Variants in ABR observed in about 807,000 individuals in gnomAD.
ABR encodes the protein active breakpoint cluster region-related protein.
ABR carries 35 observed loss-of-function variants against 107.2 expected under a neutral mutation model. That is an observed-to-expected ratio of 0.33 (90% CI 0.25 to 0.43). ABR has a LOEUF of 0.43. Among genes scored for constraint, ABR ranks in the 20% least tolerant of loss-of-function variants. The pLI is 1.00. For missense variants in ABR, 815 were observed against 1,115.2 expected (o/e 0.73, Z 3.83); for synonymous variants, 498 against 462.0 (o/e 1.08, Z -1.00).
chr17:1,020,793 T>C (rs1211332386), intron 16 of ABR, among the ~76,000 whole-genome samples: 1 of 152,166 alleles, frequency 6.6e-6, no homozygotes, highest in Non-Finnish European at 1.5e-5. Context: ...GGGATGCCCC[T>C]GAGGGTCTCA....
chr17:1,088,077 C>A (rs934677092), intron 4 of ABR, among the ~76,000 whole-genome samples: 21 of 152,028 alleles, frequency 1.4e-4, no homozygotes, highest in Non-Finnish European at 2.9e-5. Context: ...GATGCCAGAC[C>A]TGACCCGGCT....
chr17:1,223,775 A>C (rs9747738), intron 1 of ABR, among the ~76,000 whole-genome samples: 1 of 151,900 alleles, frequency 6.6e-6, no homozygotes, highest in Non-Finnish European at 1.5e-5. Context: ...GCAGGAGAGC[A>C]AGCAAGCCTG....
rs2042532168 is a variant in ABR at position 1,195,216 on chromosome 17, A to AAT, written c.838+33576_838+33577insAT. Among the ~76,000 whole-genome samples the AAT allele has an allele frequency of 2.1e-5, 3 of 145,274 alleles. No homozygotes were observed. The South Asian group carries it at 6.8e-4, about 33-fold the overall frequency. On this transcript the variant is annotated intron_variant, in intron 1 of 22. Transcript: ENST00000574139. ...CAGCTACTCGGGAGGCTGAGGCAGGAGAATGGCGTGAACCCGGAAGGCGGA... is the reference window on the plus strand; with the variant it reads ...CAGCTACTCGGGAGGCTGAGGCAGGAATGAATGGCGTGAACCCGGAAGGCGGA...
chr17:1,160,282 CCACACACACA>C (rs112524650), intron 1 of ABR, among the ~76,000 whole-genome samples: 2 of 148,694 alleles, frequency 1.3e-5, no homozygotes, highest in South Asian at 2.1e-4. Flanking sequence ...CAAAAAAAAA[CCACACACACA>C]CACACACACA....
rs1432214734 is a variant in ABR at position 1,150,269 on chromosome 17, C to T, written c.62-24902G>A. ...TTGCTAAAGATAACAGAGCACTTGG[C>T]CAAGCCAGCGCGATGTCTGCACTCA... On this transcript the variant is annotated intron_variant, in intron 1 of 22. Coordinates refer to ENST00000302538, the MANE Select transcript of ABR (RefSeq NM_021962.5). The surrounding 1 kb of genome is among the most constrained non-coding windows in gnomAD (Gnocchi z 4.8). Among the ~76,000 whole-genome samples the T allele has an allele frequency of 1.3e-5, 2 of 152,198 alleles. No individual in the cohort carries two copies. Among genetic ancestry groups the T allele is most frequent in the African/African-American group, 4.8e-5 (2 of 41,444 alleles).
intron 1 of ABR, among the ~76,000 whole-genome samples, chr17:1,159,602 A>AAGGGAAG (rs1567841578): frequency 6.0e-4 from 25 of 41,724 alleles, no homozygotes; most frequent in Admixed American, 1.1e-3. Context: ...ACTCACACAC[A>AAGGGAAG]TGAGAAGTAA....
At chr17:1,178,865 G>T (rs1242812372) in intron 1 of ABR, among the ~76,000 whole-genome samples, 1 of 151,882 alleles carries the variant, frequency 6.6e-6, no homozygotes, top group Non-Finnish European at 1.5e-5. Context: ...TGGTGGGGGC[G>T]GGGGGCGGCT....
chr17:1,222,205 C>T (rs67791813), intron 1 of ABR, among the ~76,000 whole-genome samples: 75,383 of 151,240 alleles, frequency 0.5, 19,377 homozygotes, highest in Middle Eastern at 0.56. Context: ...GCTGGGATTA[C>T]AGGTATGTGC....
chr17:1,025,024 G>A (rs1392009426), intron 16 of ABR, among the ~76,000 whole-genome samples: 1 of 146,886 alleles, frequency 6.8e-6, no homozygotes, highest in Non-Finnish European at 1.5e-5. Flanking sequence ...GGGAGGCTGA[G>A]GCAGGAGAAT....
intron 1 of ABR, among the ~76,000 whole-genome samples, chr17:1,220,289 TA>T (rs201048012): frequency 1.3e-3 from 186 of 146,092 alleles, no homozygotes; most frequent in Admixed American, 1.6e-3. Context: ...AGACTCCGTC[TA>T]AAAAAAAAAA....
At position 1,050,672 on chromosome 17, in the gene ABR, G is replaced by A. The variant is rs1026256163; in HGVS notation, c.1562-38C>T. On this transcript the variant is annotated intron_variant, in intron 14 of 22. Coordinates refer to ENST00000302538, the MANE Select transcript of ABR (RefSeq NM_021962.5). This position sits in a 1 kb window ranked among gnomAD's most constrained non-coding sequence, Gnocchi z 4.6. Reference sequence around the variant, plus strand: ...GACAGACGGAGATACTGAGTGAGTGGGGCCAGGGTGGGGCAGCTGGGGCGG... The same window carrying A: ...GACAGACGGAGATACTGAGTGAGTGAGGCCAGGGTGGGGCAGCTGGGGCGG... 4 of 1,560,846 alleles carry A rather than the reference G, an allele frequency of 2.6e-6. No homozygotes were observed. The highest frequency in any genetic ancestry group is 3.5e-6 in the Non-Finnish European group (4 of 1,132,678).
At position 1,091,757 on chromosome 17, in the gene ABR, A is replaced by T; in HGVS notation, c.439T>A (p.Tyr147Asn). 2 of 1,614,134 alleles carry T rather than the reference A, an allele frequency of 1.2e-6. No individual in the cohort carries two copies. The highest frequency in any genetic ancestry group is 1.7e-6 in the Non-Finnish European group (2 of 1,180,000). The change falls in exon 4 of 23, where the codon TAT becomes AAT. Residue 147 changes from tyrosine to asparagine, a missense_variant. Physicochemically the swap from Tyr to Asn is moderately radical, Grantham distance 143 (BLOSUM62 -2). Coordinates refer to ENST00000302538, the MANE Select transcript of ABR (RefSeq NM_021962.5). ...TCATAGAACTCCTTGTGGATCTCATAGATGTCCTGGATCTTGTAGAAGATG... is the reference window on the plus strand; with the variant it reads ...TCATAGAACTCCTTGTGGATCTCATTGATGTCCTGGATCTTGTAGAAGATG... ...ETIFYKIQDI[Y>N]EIHKEFYDNL...
Position 1,047,666 on chromosome 17 carries a change from A to G in ABR, c.1791+2384T>C, listed in dbSNP as rs139547792. The stretch of plus-strand genomic sequence containing the variant: ...TAATATCAACTCCCAGGCATTTAAC[A>G]TTCCTCGAAGCTTAAACACAGAAAC... On this transcript the variant is annotated intron_variant, in intron 16 of 22. Transcript: ENST00000302538. Among the ~76,000 whole-genome samples, 550 of 152,328 alleles carry G rather than the reference A, an allele frequency of 3.6e-3. 4 individuals carry two copies. The highest frequency in any genetic ancestry group is 0.012 in the African/African-American group (514 of 41,568).
intron 21 of ABR, among the ~76,000 whole-genome samples, chr17:1,008,317 C>T (rs796434992): frequency 1.8e-4 from 28 of 152,346 alleles, no homozygotes; most frequent in African/African-American, 6.7e-4. Flanking sequence ...CTAAGCAGCG[C>T]CTCTCACCCT....
rs546383746 is a variant in ABR at position 1,035,924 on chromosome 17, C to T, written c.1791+14126G>A. Among the ~76,000 whole-genome samples, 19 of 151,358 alleles carry T rather than the reference C, an allele frequency of 1.3e-4. No individual in the cohort carries two copies. In the South Asian group the frequency reaches 3.6e-3, roughly 28 times the overall value. ...AAAATCGGGTTAAGGTGTTCAGTGG[C>T]GGCATCAACGAGGAAAAAAGGTCAC... On this transcript the variant is annotated intron_variant, in intron 16 of 22. Coordinates refer to ENST00000302538, the MANE Select transcript of ABR (RefSeq NM_021962.5).
intron 1 of ABR, among the ~76,000 whole-genome samples, chr17:1,132,650 T>G (rs924557239): frequency 1.3e-5 from 2 of 152,034 alleles, no homozygotes; most frequent in Non-Finnish European, 2.9e-5. Flanking sequence ...GTGCTGGGAT[T>G]ACAGGCGTGA....
intron 5 of ABR, among the ~76,000 whole-genome samples, 164 bp from the exon 6 acceptor site, chr17:1,079,554 C>T (rs975725277): frequency 1.3e-5 from 2 of 152,044 alleles, no homozygotes; most frequent in African/African-American, 4.8e-5. Flanking sequence ...TTTGAGAGGC[C>T]GTGGTGGGCG....
intron 16 of ABR, among the ~76,000 whole-genome samples, chr17:1,013,972 G>C (rs2070895006): frequency 6.6e-6 from 1 of 152,216 alleles, no homozygotes; most frequent in African/African-American, 2.4e-5. Flanking sequence ...TGCGCTCCCT[G>C]GCACTTTCTG....
intron 1 of ABR, among the ~76,000 whole-genome samples, chr17:1,147,935 G>A (rs550097793): frequency 3.9e-5 from 6 of 152,336 alleles, no homozygotes; most frequent in Non-Finnish European, 7.3e-5. Flanking sequence ...CAGCAAGTAA[G>A]TAAGTGCCAG....
Sources: allele counts gnomAD v4.1 joint callset (sites outside exome capture counted in the v4.1 genomes callset), GRCh38; gene constraint gnomAD v4.1.1; non-coding constraint Gnocchi (gnomAD v3.1); transcripts MANE v1.5; gene names NCBI Gene and HGNC (gene_info 2026-07-23, HGNC 2026-07-21).